Variants in MYO5B observed in about 807,000 individuals in gnomAD.
The protein encoded by MYO5B is unconventional myosin-Vb.
A neutral mutation model predicts 229.3 loss-of-function variants in MYO5B; 143 were observed. That is an observed-to-expected ratio of 0.62 (90% CI 0.54 to 0.72). The LOEUF is 0.72. Ranked by LOEUF, MYO5B falls within the 30% of genes least tolerant of loss-of-function variation. MYO5B has a pLI of 0.00. For synonymous variants in MYO5B, 918 were observed against 885.2 expected (o/e 1.04, Z -0.66); for missense variants, 2,321 against 2,331.0 (o/e 1.00, Z 0.09).
At chr18:49,862,502 C>T (rs2024343185) in intron 29 of MYO5B, among the ~76,000 whole-genome samples, 1 of 152,192 alleles carries the variant, frequency 6.6e-6, no homozygotes. Flanking sequence ...GATGAGGCAA[C>T]TGAGGCACCT....
At chr18:50,050,157 G>A (rs907691708) in intron 2 of MYO5B, among the ~76,000 whole-genome samples, 5 of 152,118 alleles carry the variant, frequency 3.3e-5, no homozygotes, top group Non-Finnish European at 7.4e-5. Flanking sequence ...AAATTATTAG[G>A]AGACCCAAAA....
At chr18:49,936,439 T>C (rs1412465198) in intron 15 of MYO5B, 90 bp from the exon 16 acceptor site, 17 of 910,774 alleles carry the variant, frequency 1.9e-5, no homozygotes, top group Non-Finnish European at 3.0e-5. Flanking sequence ...CGGTAGTTAT[T>C]GTTACTATTA....
chr18:50,122,439 T>TGAAAAAAA (rs536027119), intron 1 of MYO5B, among the ~76,000 whole-genome samples: 1 of 41,888 alleles, frequency 2.4e-5, no homozygotes, highest in Middle Eastern at 0.028. Flanking sequence ...CTGTCTCAAC[T>TGAAAAAAA]AAAAAAAAAA....
intron 1 of MYO5B, among the ~76,000 whole-genome samples, chr18:50,087,612 T>C (rs1429633047): frequency 6.7e-6 from 1 of 150,028 alleles, no homozygotes; most frequent in Non-Finnish European, 1.5e-5. Flanking sequence ...ATAAAATGAA[T>C]GTTTTAAGAA....
chr18:50,022,661 G>C (rs1406102170), intron 4 of MYO5B, among the ~76,000 whole-genome samples: 1 of 152,202 alleles, frequency 6.6e-6, no homozygotes, highest in East Asian at 1.9e-4. Flanking sequence ...TTCCTACTCA[G>C]ATATCAAGAG....
intron 2 of MYO5B, among the ~76,000 whole-genome samples, chr18:50,052,376 TA>T: frequency 1.4e-5 from 2 of 147,122 alleles, no homozygotes; most frequent in East Asian, 2.0e-4. Context: ...TATGCAGCCA[TA>T]AAAAATGATG....
At chr18:49,953,187 T>C (rs895625766) in intron 14 of MYO5B, 73 bp downstream of exon 14, 8 of 1,381,274 alleles carry the variant, frequency 5.8e-6, no homozygotes, top group Middle Eastern at 1.8e-4. Flanking sequence ...CCCAAGGAGG[T>C]TGCATCACCA....
chr18:49,896,907 G>A (rs1417975741), intron 21 of MYO5B, among the ~76,000 whole-genome samples: 1 of 152,126 alleles, frequency 6.6e-6, no homozygotes, highest in African/African-American at 2.4e-5. Flanking sequence ...GTGCCCCAGT[G>A]TCCTCATGTG....
chr18:50,016,008 T>C (rs1171351814), intron 4 of MYO5B, among the ~76,000 whole-genome samples: 2 of 152,160 alleles, frequency 1.3e-5, no homozygotes, highest in Non-Finnish European at 2.9e-5. Context: ...GCAATCACAA[T>C]TTGGTGATAC....
chr18:50,041,664 C>T (rs918280083), intron 2 of MYO5B, among the ~76,000 whole-genome samples: 1 of 151,728 alleles, frequency 6.6e-6, no homozygotes, highest in Non-Finnish European at 1.5e-5. Context: ...TTAGATAGAA[C>T]AAACATTAAA....
At chr18:50,141,261 C>T (rs1032152940) in intron 1 of MYO5B, among the ~76,000 whole-genome samples, 1 of 152,232 alleles carries the variant, frequency 6.6e-6, no homozygotes, top group Non-Finnish European at 1.5e-5. Context: ...CTTTCCATGG[C>T]ACGGACCTGA....
chr18:50,049,588 T>C (rs1191001222), intron 2 of MYO5B, among the ~76,000 whole-genome samples: 1 of 152,206 alleles, frequency 6.6e-6, no homozygotes, highest in African/African-American at 2.4e-5. Context: ...GCCTTGTCAC[T>C]GTTAACATCT....
chr18:49,897,271 C>A (rs1420520459), intron 21 of MYO5B, among the ~76,000 whole-genome samples: 5 of 152,168 alleles, frequency 3.3e-5, no homozygotes, highest in Admixed American at 3.3e-4. Flanking sequence ...GGTGCCCACA[C>A]CCTCGGAGAC....
Position 49,826,193 on chromosome 18 carries a change from T to C in MYO5B, c.*278A>G, listed in dbSNP as rs1332504086. 2.3e-6 allele frequency: 1 copy of C among 433,840 alleles called. No individual in the cohort carries two copies. Among genetic ancestry groups the C allele is most frequent in the Non-Finnish European group, 4.3e-6 (1 of 233,462 alleles). 26.9% of individuals were successfully genotyped at this position (433,840 alleles called of 1,614,324 possible). On this transcript the variant is annotated 3_prime_UTR_variant, in exon 40 of 40. Coordinates refer to ENST00000285039, the MANE Select transcript of MYO5B (RefSeq NM_001080467.3). ...ATAGAATTGACACCTTTTATATGTC[T>C]ATGGGGACTGCTTGGTGTCTATAAA... is the stretch of plus-strand genomic sequence containing the variant.
In MYO5B at chr18:50,194,770, G is replaced by A. The variant is rs763801196; in HGVS notation, c.24C>T (p.Ser8=). The change falls in exon 1 of 40, where the codon AGC becomes AGT. Residue 8 remains serine (S), a synonymous_variant. Coordinates refer to ENST00000285039, the MANE Select transcript of MYO5B (RefSeq NM_001080467.3). ...CCTCCCTCGCGGCCGCGCTCACCTGGCTGTAGAGCTCGCCCACCGACATGG... is the reference window on the plus strand; with the variant it reads ...CCTCCCTCGCGGCCGCGCTCACCTGACTGTAGAGCTCGCCCACCGACATGG... MSVGELY[S]QCTRVWIPDP... 2 of 1,468,878 alleles carry A rather than the reference G, an allele frequency of 1.4e-6. No homozygotes were observed. Among genetic ancestry groups the A allele is most frequent in the South Asian group, 1.3e-5 (1 of 77,252 alleles). The allele number at this position is 1,468,878 out of a possible 1,614,324, so 91.0% of individuals were successfully genotyped here.
chr18:50,080,524 C>A (rs1431249185), intron 1 of MYO5B, among the ~76,000 whole-genome samples: 1 of 152,202 alleles, frequency 6.6e-6, no homozygotes, highest in Admixed American at 6.5e-5. Flanking sequence ...TGCCCAACAG[C>A]TGCCCCCAAG....
At chr18:50,005,619 G>C (rs1407959989) in intron 4 of MYO5B, among the ~76,000 whole-genome samples, 2 of 152,166 alleles carry the variant, frequency 1.3e-5, no homozygotes, top group Non-Finnish European at 2.9e-5. Context: ...GTTTTGCCTT[G>C]TTGCCCAGGC....
At chr18:49,942,375 C>A (rs1192052643) in intron 14 of MYO5B, among the ~76,000 whole-genome samples, 1 of 90,336 alleles carries the variant, frequency 1.1e-5, no homozygotes. Flanking sequence ...AGAGCTTCTG[C>A]ACAGCAAAAA....
intron 22 of MYO5B, among the ~76,000 whole-genome samples, chr18:49,890,744 C>T (rs1271880952): frequency 1.3e-5 from 2 of 152,342 alleles, no homozygotes; most frequent in South Asian, 4.1e-4. Flanking sequence ...GCAGTTACCA[C>T]ATTTACAGGC....
Sources: allele counts gnomAD v4.1 joint callset (sites outside exome capture counted in the v4.1 genomes callset), GRCh38; gene constraint gnomAD v4.1.1; transcripts MANE v1.5; gene names NCBI Gene and HGNC (gene_info 2026-07-23, HGNC 2026-07-21).